Variants in NPC1 observed in about 807,000 individuals in gnomAD.
The protein encoded by NPC1 is NPC intracellular cholesterol transporter 1.
Under a neutral mutation model 140.4 loss-of-function variants are expected in NPC1, and 85 were observed. The observed-to-expected ratio is 0.61, with a 90% CI of 0.51 to 0.72. The LOEUF is 0.72. Among genes scored for constraint, NPC1 ranks in the 30% least tolerant of loss-of-function variants. NPC1 has a pLI of 0.00. For missense variants in NPC1, 1,504 were observed against 1,623.8 expected (o/e 0.93, Z 1.27); for synonymous variants, 656 against 624.8 (o/e 1.05, Z -0.74).
chr18:23,551,574 C>T (rs2058873012), intron 10 of NPC1, 53 bp downstream of exon 10: 1 of 1,370,640 alleles, frequency 7.3e-7, no homozygotes, highest in Admixed American at 1.7e-5. Flanking sequence ...ATGCTAATGA[C>T]AAAACCGAGA....
At chr18:23,521,707 T>TC (rs34406870), downstream of NPC1, among the ~76,000 whole-genome samples, 30 of 151,720 alleles carry the variant, frequency 2.0e-4, no homozygotes, top group African/African-American at 5.1e-4. Context: ...TTTTTTTTTT[T>TC]CCTTAAACAG....
chr18:23,523,900 G>T lies in NPC1; in HGVS notation c.164-994C>A, dbSNP rs111822004. 3.9e-5 allele frequency among the ~76,000 whole-genome samples: 6 copies of T among 152,254 alleles called. 1 individual carries two copies. Among genetic ancestry groups the T allele is most frequent in the African/African-American group, 1.4e-4 (6 of 41,530 alleles). On this transcript the variant is annotated intron_variant, in intron 1 of 1. Transcript: ENST00000590723. Reference sequence around the variant, plus strand: ...AATAACCCAAACCACAGTGATTGAAGCCTTGACATGCTTTCTTTTTCTTGG... The same window carrying T: ...AATAACCCAAACCACAGTGATTGAATCCTTGACATGCTTTCTTTTTCTTGG...
Position 23,544,940 on chromosome 18 carries a change from A to ACCCCCC in NPC1, c.1947+19_1947+20insGGGGGG, listed in dbSNP as rs770879191. 3.8e-5 allele frequency: 46 copies of ACCCCCC among 1,206,040 alleles called. 1 individual carries two copies. Among genetic ancestry groups the ACCCCCC allele is most frequent in the African/African-American group, 9.9e-5 (5 of 50,676 alleles). 74.7% of individuals were successfully genotyped at this position (1,206,040 alleles called of 1,614,324 possible). On this transcript the variant is annotated intron_variant, in intron 12 of 24. Transcript: ENST00000269228. Reference sequence around the variant, plus strand: ...ACTGCTGTTAACCTCTAGAACATACACCACCCCCCCCCGGCTTACCAGAAG... The same window carrying ACCCCCC: ...ACTGCTGTTAACCTCTAGAACATACACCCCCCCCACCCCCCCCCGGCTTACCAGAAG...
chr18:23,547,617 G>A (rs1417448327), intron 11 of NPC1, among the ~76,000 whole-genome samples: 3 of 152,056 alleles, frequency 2.0e-5, no homozygotes, highest in Non-Finnish European at 4.4e-5. Context: ...TGGCATGCAC[G>A]TGTAGTCTCA....
At chr18:23,553,903 A>G (rs1004778816) in intron 9 of NPC1, among the ~76,000 whole-genome samples, 1 of 152,200 alleles carries the variant, frequency 6.6e-6, no homozygotes, top group African/African-American at 2.4e-5. Flanking sequence ...AACTCCTCAG[A>G]GGGAGGCTGC....
In NPC1 at chr18:23,531,462, T is replaced by C; in HGVS notation, c.*740A>G. The C allele has an allele frequency of 7.3e-7, 1 of 1,372,938 alleles. No homozygotes were observed. The highest frequency in any genetic ancestry group is 9.6e-7 in the Non-Finnish European group (1 of 1,046,766). The allele number at this position is 1,372,938 out of a possible 1,614,324, so 85.0% of individuals were successfully genotyped here. On this transcript the variant is annotated 3_prime_UTR_variant, in exon 25 of 25. Transcript: ENST00000269228. ...TAGAATCTCTTCCATTTAGCTTTTG[T>C]ATTTGTCTCTCAAAGCAGATAGGGT...
chr18:23,555,058 T>C, intron 8 of NPC1, 74 bp from the exon 9 acceptor site: 2 of 945,518 alleles, frequency 2.1e-6, no homozygotes, highest in Non-Finnish European at 3.4e-6. Context: ...TAATCAGCAT[T>C]GCCCTGAGGG....
chr18:23,526,780 T>C, downstream of NPC1: 1 of 1,611,890 alleles, frequency 6.2e-7, no homozygotes, highest in Non-Finnish European at 8.5e-7. Context: ...GTTGAATCCT[T>C]CCCCCTTGCT....
At chr18:23,530,189 T>TTATCTTTCCAAC (rs770676976), downstream of NPC1, 16 of 1,613,984 alleles carry the variant, frequency 9.9e-6, no homozygotes, top group African/African-American at 1.1e-4. Flanking sequence ...ATTTTAACCG[T>TTATCTTTCCAAC]TATCTTTCCA....
chr18:23,561,638 G>A (rs1181241870), intron 4 of NPC1, 111 bp from the exon 5 acceptor site: 11 of 1,034,474 alleles, frequency 1.1e-5, no homozygotes, highest in Non-Finnish European at 1.4e-5. Context: ...TATGCACCAT[G>A]CTGGAATGCT....
rs1248874373 is a variant in NPC1 at position 23,531,761 on chromosome 18, TAAAGC to T, written c.*436_*440del. On this transcript the variant is annotated 3_prime_UTR_variant, in exon 25 of 25. Coordinates refer to ENST00000269228, the MANE Select transcript of NPC1 (RefSeq NM_000271.5). ...GTACAAAGTTAATTTATTGCATTAA[TAAAGC>T]TCTTTAAACTATAAAATGTTATAAA... 1 of 1,582,388 alleles carries T rather than the reference TAAAGC, an allele frequency of 6.3e-7. No homozygotes were observed. Among genetic ancestry groups the T allele is most frequent in the Admixed American group, 1.9e-5 (1 of 52,188 alleles).
exon 4 of NPC1, chr18:23,506,360 C>T (rs185791179): frequency 1.5e-4 from 23 of 152,074 alleles, no homozygotes; most frequent in African/African-American, 5.5e-4. Context: ...TAATCCATCC[C>T]TTGAGTTTTT....
At chr18:23,554,275 CAT>C (rs1755627067) in intron 9 of NPC1, among the ~76,000 whole-genome samples, 1 of 151,888 alleles carries the variant, frequency 6.6e-6, no homozygotes, top group Non-Finnish European at 1.5e-5. Flanking sequence ...CACGATAGCA[CAT>C]GTTATGTGTT....
downstream of NPC1, among the ~76,000 whole-genome samples, chr18:23,527,396 T>G (rs980129140): frequency 1.1e-4 from 16 of 151,568 alleles, no homozygotes; most frequent in Admixed American, 5.3e-4. Context: ...AGACCCTGTA[T>G]CCAAAAAAAA....
chr18:23,535,406 G>A lies in NPC1; in HGVS notation c.3477+63C>T, dbSNP rs574151087. The A allele has an allele frequency of 4.2e-6, 5 of 1,191,732 alleles. No individual in the cohort carries two copies. The Admixed American group carries it at 9.6e-5, about 23-fold the overall frequency. The allele number at this position is 1,191,732 out of a possible 1,614,324, so 73.8% of individuals were successfully genotyped here. ...TCTTTAGGGTTTACATGGAATCTAA[G>A]ACAGCCAATTCCCCCAAGTGAAACA... On this transcript the variant is annotated intron_variant, in intron 22 of 24. Transcript: ENST00000269228.
chr18:23,520,068 T>A (rs1174233870), downstream of NPC1: 1 of 635,426 alleles, frequency 1.6e-6, no homozygotes, highest in African/African-American at 1.8e-5. Flanking sequence ...CCTTCTCAAG[T>A]AAGAGCTAGC....
At chr18:23,515,121 G>A (rs1225272462) in intron 3 of NPC1, among the ~76,000 whole-genome samples, 1 of 152,122 alleles carries the variant, frequency 6.6e-6, no homozygotes, top group Non-Finnish European at 1.5e-5. Flanking sequence ...AACACATGGG[G>A]TCCTGGAGGT....
downstream of NPC1, chr18:23,530,483 G>C (rs1018457014): frequency 6.2e-7 from 1 of 1,614,254 alleles, no homozygotes; most frequent in African/African-American, 1.3e-5. Context: ...TGGTGGCCAT[G>C]ACAACATTTC....
At chr18:23,524,816 C>T (rs770596815), downstream of NPC1, among the ~76,000 whole-genome samples, 3 of 152,006 alleles carry the variant, frequency 2.0e-5, no homozygotes, top group Non-Finnish European at 2.9e-5. Context: ...ACCTTCCCAC[C>T]GGTGTCCGTG....
Sources: allele counts gnomAD v4.1 joint callset (sites outside exome capture counted in the v4.1 genomes callset), GRCh38; gene constraint gnomAD v4.1.1; transcripts MANE v1.5; gene names NCBI Gene and HGNC (gene_info 2026-07-23, HGNC 2026-07-21).